Variants in PRKG1 observed in about 807,000 individuals in gnomAD.
The protein encoded by PRKG1 is cGMP-dependent protein kinase 1.
A neutral mutation model predicts 88.1 loss-of-function variants in PRKG1; 35 were observed. That is an observed-to-expected ratio of 0.40 (90% CI 0.30 to 0.53). The LOEUF is 0.53. Among genes scored for constraint, PRKG1 ranks in the 20% least tolerant of loss-of-function variants. PRKG1 has a pLI of 0.59. For missense variants in PRKG1, 540 were observed against 839.8 expected, an observed-to-expected ratio of 0.64 and a Z score of 4.41; for synonymous variants, 303 against 292.5, an observed-to-expected ratio of 1.04 and a Z score of -0.37.
At chr10:51,850,489 T>TTATATATATATATA (rs141736837) in intron 4 of PRKG1, among the ~76,000 whole-genome samples, 27 of 143,572 alleles carry the variant, frequency 1.9e-4, no homozygotes, top group African/African-American at 5.5e-4. Context: ...TGTTGCAATT[T>TTATATATATATATA]TATATATATA....
rs116648200 is a variant in PRKG1, at chr10:52,179,172, C to T, written c.1076+17209C>T. On this transcript the variant is annotated intron_variant, in intron 9 of 17. Transcript: ENST00000373980. ...TTTTTCTTTTTCCTTTCTGTATTAA[C>T]GCTGCTGGTGACTTTTATAGTGTTG... Among the ~76,000 whole-genome samples the T allele has an allele frequency of 3.8e-3, 578 of 151,842 alleles. 3 individuals are homozygous for T. The highest frequency in any genetic ancestry group is 0.013 in the African/African-American group (542 of 41,414).
chr10:52,133,719 C>T (rs1418074876), intron 7 of PRKG1, 121 bp from the exon 8 acceptor site: 5 of 759,848 alleles, frequency 6.6e-6, no homozygotes, highest in Admixed American at 3.0e-5. Context: ...AAGCTTAAGC[C>T]TGGAGGTGGA....
chr10:51,336,758 G>A (rs919797516), intron 2 of PRKG1, among the ~76,000 whole-genome samples: 6 of 152,090 alleles, frequency 3.9e-5, no homozygotes, highest in Admixed American at 3.3e-4. Flanking sequence ...ACACTTCATG[G>A]CATTAGTTCA....
intron 7 of PRKG1, among the ~76,000 whole-genome samples, chr10:52,065,269 T>G (rs568583365): frequency 7.4e-4 from 113 of 152,326 alleles, no homozygotes; most frequent in Admixed American, 1.9e-3. Context: ...ACTACTTGAA[T>G]AAGCAACAAC....
At chr10:51,122,590 A>C (rs140224382) in intron 1 of PRKG1, among the ~76,000 whole-genome samples, 1 of 152,262 alleles carries the variant, frequency 6.6e-6, no homozygotes, top group East Asian at 1.9e-4. Context: ...AATTCATGTA[A>C]ATCAAAATCA....
intron 5 of PRKG1, among the ~76,000 whole-genome samples, chr10:51,992,573 C>T (rs1459608822): frequency 6.6e-6 from 1 of 152,112 alleles, no homozygotes; most frequent in Admixed American, 6.6e-5. Flanking sequence ...ACTTTGTCCA[C>T]CTTCTGCCAC....
chr10:51,744,523 T>C (rs1192883813), intron 3 of PRKG1, among the ~76,000 whole-genome samples: 2 of 152,232 alleles, frequency 1.3e-5, no homozygotes, highest in African/African-American at 4.8e-5. Context: ...ACCAAAATTT[T>C]CTCTCAGTAT....
At chr10:52,242,808 C>T (rs1589728245) in intron 9 of PRKG1, among the ~76,000 whole-genome samples, 1 of 151,654 alleles carries the variant, frequency 6.6e-6, no homozygotes, top group Admixed American at 6.6e-5. Flanking sequence ...AGGCAGGAGA[C>T]TCACTTGAAC....
chr10:52,025,897 A>G (rs1414073750), intron 5 of PRKG1, among the ~76,000 whole-genome samples: 1 of 151,870 alleles, frequency 6.6e-6, no homozygotes, highest in African/African-American at 2.4e-5. Context: ...TGGAGGCATC[A>G]TGCTACCTGA....
At chr10:51,327,526 T>A (rs1215225966) in intron 2 of PRKG1, among the ~76,000 whole-genome samples, 1 of 152,204 alleles carries the variant, frequency 6.6e-6, no homozygotes, top group African/African-American at 2.4e-5. Context: ...AAATTGCACG[T>A]ACAGACATGT....
chr10:51,534,212 G>T (rs1055707182), intron 3 of PRKG1, among the ~76,000 whole-genome samples: 1 of 152,076 alleles, frequency 6.6e-6, no homozygotes, highest in African/African-American at 2.4e-5. Context: ...AGGTGTATTT[G>T]TTCATTAATG....
At chr10:52,035,354 C>G (rs11000529) in intron 5 of PRKG1, among the ~76,000 whole-genome samples, 127,330 of 151,922 alleles carry the variant, frequency 0.84, 53,504 homozygotes, top group Non-Finnish European at 0.88. Flanking sequence ...CTGAGGAGTA[C>G]TAGAATAGCA....
intron 1 of PRKG1, among the ~76,000 whole-genome samples, chr10:51,095,448 A>G (rs532191240): frequency 6.6e-6 from 1 of 152,288 alleles, no homozygotes; most frequent in African/African-American, 2.4e-5. Flanking sequence ...GGGCACAGCT[A>G]GAGTGTATTG....
intron 1 of PRKG1, among the ~76,000 whole-genome samples, chr10:51,114,703 G>C (rs545250301): frequency 6.6e-6 from 1 of 152,154 alleles, no homozygotes; most frequent in African/African-American, 2.4e-5. Context: ...GGAGGAGGCA[G>C]CTTTATTATT....
intron 3 of PRKG1, among the ~76,000 whole-genome samples, chr10:51,772,564 T>C (rs569629950): frequency 1.3e-5 from 2 of 152,078 alleles, no homozygotes; most frequent in Admixed American, 6.5e-5. Flanking sequence ...GCAAAAAAAT[T>C]AGCCATGGTT....
chr10:51,853,842 C>T (rs1024556252), intron 4 of PRKG1, among the ~76,000 whole-genome samples: 1 of 152,102 alleles, frequency 6.6e-6, no homozygotes. Context: ...AGCTGGTTAT[C>T]TAATCACACA....
intron 2 of PRKG1, among the ~76,000 whole-genome samples, chr10:51,307,043 A>C (rs1250371699): frequency 2.6e-5 from 4 of 152,140 alleles, no homozygotes; most frequent in Non-Finnish European, 5.9e-5. Context: ...TCTGAGTATC[A>C]GTTGCCCCCT....
intron 4 of PRKG1, among the ~76,000 whole-genome samples, chr10:51,823,866 CTTTT>C (rs5784887): frequency 1.4e-4 from 11 of 78,736 alleles, no homozygotes; most frequent in Non-Finnish European, 2.1e-4. Flanking sequence ...TTTCTCTCTC[CTTTT>C]TTTTTTTTTT....
chr10:51,821,474 A>C lies in PRKG1; in HGVS notation c.698+16784A>C, dbSNP rs900519669. ...AATTTATGCTCCTAAAAAATATAAAAAAAGAGGTTTGTTCCAGATCCTAAC... is the reference window on the plus strand; with the variant it reads ...AATTTATGCTCCTAAAAAATATAAACAAAGAGGTTTGTTCCAGATCCTAAC... On this transcript the variant is annotated intron_variant, in intron 4 of 17. Transcript: ENST00000373980. Among the ~76,000 whole-genome samples the C allele has an allele frequency of 2.6e-5, 4 of 152,242 alleles. No homozygotes were observed. In the East Asian group the frequency reaches 5.8e-4, roughly 22 times the overall value.
Sources: gnomAD v4.1 joint callset for allele counts (sites outside exome capture counted in the v4.1 genomes callset) on GRCh38, gnomAD v4.1.1 for gene constraint, MANE v1.5 for transcripts, NCBI Gene and HGNC (gene_info 2026-07-23, HGNC 2026-07-21) for gene names.